The following CTSB variants were observed in gnomAD, a reference collection of about 807,000 sequenced individuals.
CTSB encodes cathepsin B, also known as APP secretase.
Under a neutral mutation model 44.3 loss-of-function variants are expected in CTSB, and 57 were observed. That is an observed-to-expected ratio of 1.29 (90% CI 1.04 to 1.60). CTSB has a LOEUF of 1.60. Among genes scored for constraint, CTSB ranks in the 40% most tolerant of loss-of-function variants. The probability of loss-of-function intolerance (pLI) is 0.00; values close to 1 mark genes in which losing one functional copy is unlikely to be tolerated. For synonymous variants in CTSB, 320 were observed against 168.0 expected, an observed-to-expected ratio of 1.91 and a Z score of -7.00; for missense variants, 768 against 443.0, an observed-to-expected ratio of 1.73 and a Z score of -6.59.
intron 1 of CTSB, among the ~76,000 whole-genome samples, chr8:11,856,292 T>G (rs1815497224): frequency 6.6e-6 from 1 of 151,958 alleles, no homozygotes; most frequent in Non-Finnish European, 1.5e-5. Context: ...GAGTAACTGT[T>G]AAATTACGGT....
intron 8 of CTSB, 42 bp from the exon 9 acceptor site, chr8:11,845,831 G>C (rs1034894521): frequency 6.4e-7 from 1 of 1,571,576 alleles, no homozygotes. Context: ...CCGGGCCACT[G>C]TCCCACGCCC....
intron 8 of CTSB, 89 bp from the exon 9 acceptor site, chr8:11,845,878 G>T: frequency 2.1e-6 from 3 of 1,443,460 alleles, no homozygotes; most frequent in Non-Finnish European, 1.8e-6. Flanking sequence ...CATGCTCCGG[G>T]AAGGAGAAAC....
At chr8:11,857,222 T>C (rs780537970) in intron 1 of CTSB, among the ~76,000 whole-genome samples, 3 of 152,202 alleles carry the variant, frequency 2.0e-5, no homozygotes, top group Non-Finnish European at 4.4e-5. Context: ...TTCGTTATGT[T>C]GGCCAGGCTG....
At chr8:11,848,561 T>A (rs1176293434) in intron 5 of CTSB, 4 of 341,218 alleles carry the variant, frequency 1.2e-5, no homozygotes, top group Non-Finnish European at 2.3e-5. Flanking sequence ...GAGAAGCCCA[T>A]GCATTTTTTT....
At position 11,844,022 on chromosome 8, in the gene CTSB, CA is replaced by C. The variant is rs752022101; in HGVS notation, c.*1102del. 2.9e-5 allele frequency: 4 copies of C among 135,914 alleles called. No individual in the cohort carries two copies. The highest frequency in any genetic ancestry group is 2.7e-4 in the Admixed American group (4 of 14,608). 8.4% of individuals were successfully genotyped at this position (135,914 alleles called of 1,614,324 possible). ...CACTCCAGCCTGGGAGACGGAATCTCACTCTGTCAGTCACAACAACAACAAA... is the reference window on the plus strand; with the variant it reads ...CACTCCAGCCTGGGAGACGGAATCTCCTCTGTCAGTCACAACAACAACAAA... On this transcript the variant is annotated 3_prime_UTR_variant, in exon 10 of 10. Coordinates refer to ENST00000353047, the MANE Select transcript of CTSB (RefSeq NM_001908.5).
At position 11,847,836 on chromosome 8, in the gene CTSB, G is replaced by A. The variant is rs369156497; in HGVS notation, c.533-14C>T. On this transcript the variant is annotated splice_polypyrimidine_tract_variant and intron_variant, in intron 6 of 9. Coordinates refer to ENST00000353047, the MANE Select transcript of CTSB (RefSeq NM_001908.5). ...ACGGTCTGCACCCTGATGGGACGCG[G>A]GAGAAAGCGGAGTCAACCTACAGCC... 3.2e-6 allele frequency: 5 copies of A among 1,573,976 alleles called. No homozygotes were observed. Among genetic ancestry groups the A allele is most frequent in the Middle Eastern group, 1.7e-4 (1 of 5,888 alleles).
intron 1 of CTSB, among the ~76,000 whole-genome samples, chr8:11,859,505 A>G (rs113463283): frequency 0.015 from 2,330 of 152,252 alleles, 62 homozygotes; most frequent in African/African-American, 0.052. Context: ...TCATGCCTGT[A>G]ATCCCAGCGC....
intron 1 of CTSB, chr8:11,854,577 GC>G (rs1280484009): frequency 1.5e-5 from 2 of 130,410 alleles, no homozygotes; most frequent in African/African-American, 5.8e-5. Context: ...GCTCACTGCA[GC>G]CTCCACCTCC....
At chr8:11,864,446 G>C (rs538324381) in intron 1 of CTSB, 3 of 151,714 alleles carry the variant, frequency 2.0e-5, no homozygotes, top group Admixed American at 6.6e-5. Context: ...AGCCGTGGTC[G>C]CACCACTGCA....
At chr8:11,849,265 C>A in intron 4 of CTSB, 101 bp from the exon 5 acceptor site, 1 of 807,064 alleles carries the variant, frequency 1.2e-6, no homozygotes, top group South Asian at 1.5e-5. Flanking sequence ...ACCTTGTAGG[C>A]AACTGATCTC....
Position 11,847,140 on chromosome 8 carries a change from G to A in CTSB, c.705C>T (p.Ser235=), listed in dbSNP as rs778417060. The A allele has an allele frequency of 6.3e-6, 10 of 1,593,400 alleles. No individual in the cohort carries two copies. The highest frequency in any genetic ancestry group is 2.2e-5 in the South Asian group (2 of 89,598). Residue 235 remains serine, a synonymous_variant, in exon 8 of 10, where the codon AGC becomes AGT. Transcript: ENST00000353047. ...YGYNSYSVSN[S]EKDIMAEIYK... ...AGATCTCGGCCATGATGTCCTTCTC[G>A]CTATTGGAGACGCTGTAGGAATTGT...
chr8:11,866,301 C>A (rs567007056), intron 1 of CTSB, among the ~76,000 whole-genome samples: 1 of 152,372 alleles, frequency 6.6e-6, no homozygotes, highest in Non-Finnish European at 1.5e-5. Context: ...GGCCACCACC[C>A]CTCACCGCCT....
At chr8:11,866,746 G>C (rs1418683949) in intron 1 of CTSB, among the ~76,000 whole-genome samples, 1 of 152,214 alleles carries the variant, frequency 6.6e-6, no homozygotes, top group African/African-American at 2.4e-5. Flanking sequence ...TGTAATCCCA[G>C]CTACTCGGGA....
At position 11,845,653 on chromosome 8, in the gene CTSB, C is replaced by G. The variant is rs901342500; in HGVS notation, c.922+8G>C. ...ACTGTTCTTGGCAGGAAGGGGGCAG[C>G]CACTCACCATTGTCACCCCAGTCAG... is the stretch of plus-strand genomic sequence containing the variant. On this transcript the variant is annotated splice_region_variant and intron_variant, in intron 9 of 9. Transcript: ENST00000353047. The G allele has an allele frequency of 1.9e-6, 3 of 1,611,382 alleles. No homozygotes were observed. The highest frequency in any genetic ancestry group is 1.7e-6 in the Non-Finnish European group (2 of 1,178,042).
chr8:11,854,882 G>C (rs1284552255), intron 1 of CTSB: 3 of 152,340 alleles, frequency 2.0e-5, no homozygotes, highest in African/African-American at 7.2e-5. Context: ...GGACCACTCA[G>C]AAGCACATCC....
At chr8:11,848,209 C>T (rs750841867) in intron 5 of CTSB, 57 bp from the exon 6 acceptor site, 17 of 1,487,000 alleles carry the variant, frequency 1.1e-5, no homozygotes, top group Non-Finnish European at 1.6e-5. Context: ...GCTCTCCAGA[C>T]CACTGTGTGC....
intron 1 of CTSB, among the ~76,000 whole-genome samples, chr8:11,863,253 G>C (rs546649039): frequency 2.0e-5 from 3 of 152,320 alleles, no homozygotes; most frequent in Admixed American, 6.5e-5. Context: ...GAGCTCAGGA[G>C]TTCAACACCA....
At position 11,843,639 on chromosome 8, in the gene CTSB, G is replaced by T. The variant is rs1246300943; in HGVS notation, c.*1486C>A. On this transcript the variant is annotated 3_prime_UTR_variant, in exon 10 of 10. Transcript: ENST00000353047. ...GGCTGGAGGGCATCCAGGGGGATGT[G>T]GTTCCCCACGGGGTAGCATCTTGGT... 1 of 152,230 alleles carries T rather than the reference G, an allele frequency of 6.6e-6. No individual in the cohort carries two copies. The highest frequency in any genetic ancestry group is 6.5e-5 in the Admixed American group (1 of 15,284). 9.4% of individuals were successfully genotyped at this position (152,230 alleles called of 1,614,324 possible). A position where few individuals can be genotyped will look rare whatever the true frequency, so the allele number is the denominator to read the frequency against.
intron 1 of CTSB, among the ~76,000 whole-genome samples, chr8:11,856,025 C>CAA (rs371565227): frequency 0.021 from 3,212 of 151,880 alleles, 52 homozygotes; most frequent in Middle Eastern, 0.048. Context: ...GACTCTGCCT[C>CAA]AAAAATAAAA....
Sources: allele counts gnomAD v4.1 joint callset (sites outside exome capture counted in the v4.1 genomes callset), GRCh38; gene constraint gnomAD v4.1.1; transcripts MANE v1.5; gene names NCBI Gene and HGNC (gene_info 2026-07-23, HGNC 2026-07-21).